Variants in RTN1 observed in about 807,000 individuals in gnomAD.
RTN1 encodes the protein reticulon 1, also known as reticulon-1.
In RTN1, 25 loss-of-function variants were observed where a neutral mutation model predicts 65.5. The observed-to-expected ratio is 0.38, with a 90% CI of 0.28 to 0.53. RTN1 has a LOEUF of 0.53. Among genes scored for constraint, RTN1 ranks in the 20% least tolerant of loss-of-function variants. RTN1 has a pLI of 0.79. For synonymous variants in RTN1, 471 were observed against 447.6 expected (o/e 1.05, Z -0.66); for missense variants, 983 against 1,025.4 (o/e 0.96, Z 0.57).
At chr14:59,708,931 A>C (rs1479547178) in intron 3 of RTN1, among the ~76,000 whole-genome samples, 1 of 152,246 alleles carries the variant, frequency 6.6e-6, no homozygotes. Context: ...CTACTGCTCC[A>C]TATTCTTATT....
At chr14:59,869,013 T>C (rs1004509402) in intron 1 of RTN1, among the ~76,000 whole-genome samples, 1 of 152,126 alleles carries the variant, frequency 6.6e-6, no homozygotes, top group East Asian at 1.9e-4. Flanking sequence ...AATTAATATA[T>C]AACCTTTGGC....
intron 1 of RTN1, among the ~76,000 whole-genome samples, chr14:59,777,932 A>G (rs1437108346): frequency 1.3e-5 from 2 of 151,992 alleles, no homozygotes; most frequent in African/African-American, 4.8e-5. Context: ...TGCAGCCTCT[A>G]CGTGTCTCTT....
In RTN1 at chr14:59,745,118, G is replaced by C. The variant is rs1039848932; in HGVS notation, c.1015+590C>G. Among the ~76,000 whole-genome samples the C allele has an allele frequency of 2.0e-5, 3 of 152,152 alleles. No homozygotes were observed. The East Asian group carries it at 5.8e-4, about 29-fold the overall frequency. On this transcript the variant is annotated intron_variant, in intron 2 of 8. Transcript: ENST00000267484. ...GAAGAATAAGAGAGACTTGAGCATA[G>C]CATGTTAGCATGTTCAGCCCCCTCA...
chr14:59,837,581 G>A (rs1184155121), intron 1 of RTN1, among the ~76,000 whole-genome samples: 1 of 151,694 alleles, frequency 6.6e-6, no homozygotes, highest in Non-Finnish European at 1.5e-5. Flanking sequence ...CTTTTATCAA[G>A]AGAAACACTC....
rs1164553233 is a variant in RTN1 at position 59,762,025 on chromosome 14, ATGGCATGCCGTGGTG to A, written c.242-15559_242-15545del. 2.0e-5 allele frequency among the ~76,000 whole-genome samples: 3 copies of A among 152,200 alleles called. No individual in the cohort carries two copies. In the East Asian group the frequency reaches 5.8e-4, roughly 29 times the overall value. The stretch of plus-strand genomic sequence containing the variant: ...GGTGTGATGTGGTATGTGGTGTGGT[ATGGCATGCCGTGGTG>A]TGGCATGACATGGTATGCAGTAGGG... On this transcript the variant is annotated intron_variant, in intron 1 of 8. Transcript: ENST00000267484.
chr14:59,744,162 G>A (rs1025590842), intron 2 of RTN1, among the ~76,000 whole-genome samples: 3 of 152,324 alleles, frequency 2.0e-5, no homozygotes, highest in South Asian at 2.1e-4. Flanking sequence ...ACTTGGATTT[G>A]TACTATACCA....
intron 3 of RTN1, among the ~76,000 whole-genome samples, chr14:59,709,798 G>C (rs1283327377): frequency 2.0e-5 from 3 of 152,118 alleles, no homozygotes; most frequent in Non-Finnish European, 2.9e-5. Flanking sequence ...TTATGTAAGA[G>C]GGATTTGTCT....
intron 3 of RTN1, among the ~76,000 whole-genome samples, chr14:59,665,491 C>T (rs1038090548): frequency 1.3e-5 from 2 of 152,114 alleles, no homozygotes; most frequent in African/African-American, 2.4e-5. Context: ...AGAAACATCC[C>T]AAATTGTAAA....
intron 2 of RTN1, among the ~76,000 whole-genome samples, chr14:59,744,638 C>A (rs1885178969): frequency 6.6e-6 from 1 of 152,122 alleles, no homozygotes; most frequent in Admixed American, 6.6e-5. Flanking sequence ...CTTCAATAAA[C>A]TAGAGATATA....
intron 3 of RTN1, among the ~76,000 whole-genome samples, chr14:59,664,608 G>A (rs1464494991): frequency 6.6e-6 from 1 of 152,100 alleles, no homozygotes; most frequent in African/African-American, 2.4e-5. Context: ...CTATGCCCAT[G>A]TGTATTAACT....
At chr14:59,754,341 T>C (rs1274361563) in intron 1 of RTN1, among the ~76,000 whole-genome samples, 1 of 152,210 alleles carries the variant, frequency 6.6e-6, no homozygotes. Flanking sequence ...CACTAAGGGA[T>C]AGGATGACAA....
chr14:59,825,448 A>C lies in RTN1; in HGVS notation c.241+44942T>G, dbSNP rs1233774421. Reference sequence around the variant, plus strand: ...CTGATTCAGGGAAAGTTGCTATAAAATAGTTTTAAAAATAGTTACAATGTG... The same window carrying C: ...CTGATTCAGGGAAAGTTGCTATAAACTAGTTTTAAAAATAGTTACAATGTG... On this transcript the variant is annotated intron_variant, in intron 1 of 8. Coordinates refer to ENST00000267484, the MANE Select transcript of RTN1 (RefSeq NM_021136.3). This position sits in a 1 kb window ranked among gnomAD's most constrained non-coding sequence, Gnocchi z 4.2. Among the ~76,000 whole-genome samples, 2 of 152,254 alleles carry C rather than the reference A, an allele frequency of 1.3e-5. No individual in the cohort carries two copies. The highest frequency in any genetic ancestry group is 2.9e-5 in the Non-Finnish European group (2 of 68,048).
intron 3 of RTN1, among the ~76,000 whole-genome samples, chr14:59,615,871 G>C (rs1882087078): frequency 6.6e-6 from 1 of 152,148 alleles, no homozygotes; most frequent in Admixed American, 6.5e-5. Flanking sequence ...GGAAAGCTAA[G>C]TCTCCTCTAT....
chr14:59,617,830 C>G (rs903405039), intron 3 of RTN1, among the ~76,000 whole-genome samples: 1 of 152,164 alleles, frequency 6.6e-6, no homozygotes, highest in Non-Finnish European at 1.5e-5. Context: ...TGCATGAGTA[C>G]GCTCAGACAG....
chr14:59,778,673 G>A (rs1322335867), intron 1 of RTN1, among the ~76,000 whole-genome samples: 2 of 152,154 alleles, frequency 1.3e-5, no homozygotes, highest in Non-Finnish European at 2.9e-5. Context: ...GCAGGCACAC[G>A]GAGGAGAGGG....
At chr14:59,722,219 A>G (rs995793343) in intron 3 of RTN1, among the ~76,000 whole-genome samples, 2 of 152,232 alleles carry the variant, frequency 1.3e-5, no homozygotes, top group African/African-American at 4.8e-5. Flanking sequence ...GAAGGAAAAG[A>G]GCAAATTTTG....
chr14:59,712,773 T>A (rs985304352), intron 3 of RTN1, among the ~76,000 whole-genome samples: 1 of 151,922 alleles, frequency 6.6e-6, no homozygotes, highest in African/African-American at 2.4e-5. Flanking sequence ...TAGCTGGGTG[T>A]GGTGGGGCAT....
chr14:59,806,680 T>A (rs776048682), intron 1 of RTN1, among the ~76,000 whole-genome samples: 5 of 152,204 alleles, frequency 3.3e-5, no homozygotes, highest in Non-Finnish European at 5.9e-5. Flanking sequence ...TGTGTTCTCA[T>A]CATTTGGCTC....
intron 3 of RTN1, among the ~76,000 whole-genome samples, chr14:59,685,836 C>T (rs749234522): frequency 2.6e-5 from 4 of 152,086 alleles, no homozygotes; most frequent in Non-Finnish European, 5.9e-5. Context: ...TGTGTGTGAC[C>T]ACAACAGATC....
Sources: gnomAD v4.1 joint callset for allele counts (sites outside exome capture counted in the v4.1 genomes callset) on GRCh38, gnomAD v4.1.1 for gene constraint, Gnocchi (gnomAD v3.1) non-coding constraint, MANE v1.5 for transcripts, NCBI Gene and HGNC (gene_info 2026-07-23, HGNC 2026-07-21) for gene names.